The following KCNH1 variants were observed in gnomAD, a reference collection of about 807,000 sequenced individuals.
KCNH1 encodes the protein voltage-gated delayed rectifier potassium channel KCNH1.
KCNH1 carries 27 observed loss-of-function variants against 69.2 expected under a neutral mutation model. That is an observed-to-expected ratio of 0.39 (90% CI 0.29 to 0.54). The LOEUF is 0.54. KCNH1 is among the 20% of genes least tolerant of loss of function. The pLI, the probability that KCNH1 is intolerant of heterozygous loss-of-function variation, is 0.68. For missense variants in KCNH1, 798 were observed against 1,261.6 expected (o/e 0.63, Z 5.57); for synonymous variants, 456 against 487.7 (o/e 0.93, Z 0.86).
chr1:210,968,982 T>C (rs551082346), intron 6 of KCNH1, among the ~76,000 whole-genome samples: 28 of 152,252 alleles, frequency 1.8e-4, no homozygotes, highest in African/African-American at 6.3e-4. Context: ...AGAGCTTTTA[T>C]CAGGAAATGT....
chr1:210,791,244 C>T (rs1259699778), intron 9 of KCNH1, among the ~76,000 whole-genome samples: 1 of 152,216 alleles, frequency 6.6e-6, no homozygotes, highest in Non-Finnish European at 1.5e-5. Flanking sequence ...TCACGTTCAT[C>T]ATCTCACCCC....
intron 7 of KCNH1, among the ~76,000 whole-genome samples, chr1:210,902,429 C>T (rs952858331): frequency 1.1e-4 from 16 of 152,138 alleles, no homozygotes; most frequent in Non-Finnish European, 1.6e-4. Context: ...ATCTGGTGAC[C>T]CCTGGGCCCT....
At chr1:210,747,616 CTG>C (rs369422742) in intron 10 of KCNH1, among the ~76,000 whole-genome samples, 81 of 145,730 alleles carry the variant, frequency 5.6e-4, no homozygotes, top group African/African-American at 2.0e-3. Context: ...TAGGGGCAAA[CTG>C]TGTATTCCTT....
rs1681266551 is a variant in KCNH1, at chr1:210,681,563, C to G, written c.*1718G>C. 6.6e-6 allele frequency: 1 copy of G among 152,202 alleles called. No homozygotes were observed. The highest frequency in any genetic ancestry group is 1.5e-5 in the Non-Finnish European group (1 of 68,154). The allele number at this position is 152,202 out of a possible 1,614,324, so 9.4% of individuals were successfully genotyped here. A position where few individuals can be genotyped will look rare whatever the true frequency, so the allele number is the denominator to read the frequency against. On this transcript the variant is annotated 3_prime_UTR_variant, in exon 11 of 11. Transcript: ENST00000271751. Reference sequence around the variant, plus strand: ...CTGCCTTGCACAGACAACCGAGGGCCCAGCCCTGGGACTCGCCGTGAGCAC... The same window carrying G: ...CTGCCTTGCACAGACAACCGAGGGCGCAGCCCTGGGACTCGCCGTGAGCAC...
chr1:211,000,126 C>T (rs549013065), intron 6 of KCNH1, among the ~76,000 whole-genome samples: 13 of 152,184 alleles, frequency 8.5e-5, no homozygotes. Flanking sequence ...CCTCTCTCAC[C>T]ACTCCTATTC....
At chr1:211,014,841 TA>T (rs1689463581) in intron 6 of KCNH1, among the ~76,000 whole-genome samples, 1 of 152,182 alleles carries the variant, frequency 6.6e-6, no homozygotes, top group African/African-American at 2.4e-5. Flanking sequence ...CAGGGAGCTG[TA>T]ATCTTAGATT....
At chr1:211,087,242 T>C (rs1012260594) in intron 4 of KCNH1, among the ~76,000 whole-genome samples, 12 of 152,208 alleles carry the variant, frequency 7.9e-5, no homozygotes, top group African/African-American at 2.7e-4. Context: ...CCTTTTGTCG[T>C]CTGTATTTGG....
chr1:210,746,815 G>A (rs1428873263), intron 10 of KCNH1, among the ~76,000 whole-genome samples: 1 of 152,082 alleles, frequency 6.6e-6, no homozygotes, highest in Non-Finnish European at 1.5e-5. Context: ...CCAAAGTCCT[G>A]GGATTACAGG....
chr1:211,115,623 G>T (rs1221833818), intron 1 of KCNH1, among the ~76,000 whole-genome samples: 1 of 149,852 alleles, frequency 6.7e-6, no homozygotes, highest in Non-Finnish European at 1.5e-5. Context: ...ACTCGGACTG[G>T]CTCTCCTTGC....
intron 6 of KCNH1, among the ~76,000 whole-genome samples, chr1:210,966,087 A>G (rs1044192538): frequency 6.6e-5 from 10 of 152,182 alleles, no homozygotes; most frequent in African/African-American, 2.4e-4. Flanking sequence ...CCACACATCT[A>G]CAACCATCTG....
intron 7 of KCNH1, among the ~76,000 whole-genome samples, chr1:210,865,531 G>T (rs1686089045): frequency 6.6e-6 from 1 of 152,138 alleles, no homozygotes; most frequent in Non-Finnish European, 1.5e-5. Context: ...AAAAAAAAAG[G>T]CAGCTGTTCA....
In KCNH1 at chr1:211,126,235, G is replaced by A. The variant is rs1015381366; in HGVS notation, c.79+7632C>T. ...ACAAAAATTAGCTGTGTATGGGGCC[G>A]GTGGTAGCTCACGCCTGTAATCCCA... On this transcript the variant is annotated intron_variant, in intron 1 of 10. Coordinates refer to ENST00000271751, the MANE Select transcript of KCNH1 (RefSeq NM_172362.3). Among the ~76,000 whole-genome samples, 3 of 151,946 alleles carry A rather than the reference G, an allele frequency of 2.0e-5. 1 individual carries two copies. Among genetic ancestry groups the A allele is most frequent in the South Asian group, 4.2e-4 (2 of 4,810 alleles).
intron 3 of KCNH1, among the ~76,000 whole-genome samples, chr1:211,093,278 T>A (rs1243926711): frequency 1.3e-5 from 2 of 152,174 alleles, no homozygotes; most frequent in Non-Finnish European, 2.9e-5. Context: ...TTCAAACTTA[T>A]CACGAATGAA....
intron 1 of KCNH1, among the ~76,000 whole-genome samples, chr1:211,109,108 G>T (rs1691414505): frequency 6.6e-6 from 1 of 152,156 alleles, no homozygotes; most frequent in African/African-American, 2.4e-5. Context: ...ATGCCTAAAA[G>T]GTAACTGGCA....
chr1:210,810,663 G>A (rs1423257945), intron 7 of KCNH1, among the ~76,000 whole-genome samples: 1 of 151,536 alleles, frequency 6.6e-6, no homozygotes, highest in Non-Finnish European at 1.5e-5. Flanking sequence ...TTTTTTCATT[G>A]TCTGAATGTT....
intron 10 of KCNH1, among the ~76,000 whole-genome samples, chr1:210,747,725 A>T (rs1683193203): frequency 6.6e-6 from 1 of 151,976 alleles, no homozygotes; most frequent in African/African-American, 2.4e-5. Flanking sequence ...GCTTGAATGT[A>T]ATAGTATTCT....
intron 6 of KCNH1, among the ~76,000 whole-genome samples, chr1:210,996,851 G>A (rs1256982894): frequency 3.3e-5 from 5 of 152,150 alleles, no homozygotes; most frequent in Non-Finnish European, 7.4e-5. Context: ...TATAGCCACC[G>A]CTGTTCTACA....
At chr1:210,826,782 A>G (rs972279943) in intron 7 of KCNH1, among the ~76,000 whole-genome samples, 3 of 152,206 alleles carry the variant, frequency 2.0e-5, no homozygotes, top group Admixed American at 6.5e-5. Context: ...CCAACTGACT[A>G]TGTGTGAAAA....
Position 211,015,201 on chromosome 1 carries a change from T to C in KCNH1, c.1032+3582A>G, listed in dbSNP as rs78647269. On this transcript the variant is annotated intron_variant, in intron 6 of 10. Coordinates refer to ENST00000271751, the MANE Select transcript of KCNH1 (RefSeq NM_172362.3). ...CACCAGACCCCGTGTCCAACTTCTCTACCACATTCAGCCAAGCCAAGGAGT... is the reference window on the plus strand; with the variant it reads ...CACCAGACCCCGTGTCCAACTTCTCCACCACATTCAGCCAAGCCAAGGAGT... Among the ~76,000 whole-genome samples the C allele has an allele frequency of 6.7e-3, 1,024 of 152,282 alleles. 6 individuals are homozygous for C. Among genetic ancestry groups the C allele is most frequent in the African/African-American group, 0.022 (929 of 41,554 alleles).
Sources: allele counts gnomAD v4.1 joint callset (sites outside exome capture counted in the v4.1 genomes callset), GRCh38; gene constraint gnomAD v4.1.1; transcripts MANE v1.5; gene names NCBI Gene and HGNC (gene_info 2026-07-23, HGNC 2026-07-21).